The following PCDHGA1 variants were observed in gnomAD, a reference collection of about 807,000 sequenced individuals.
PCDHGA1 encodes protocadherin gamma-A1.
A neutral mutation model predicts 58.0 loss-of-function variants in PCDHGA1; 32 were observed. The observed-to-expected ratio is 0.55, with a 90% CI of 0.42 to 0.74. PCDHGA1 has a LOEUF of 0.74. PCDHGA1 is among the 30% of genes least tolerant of loss of function. PCDHGA1 has a pLI of 0.00. For missense variants in PCDHGA1, 1,205 were observed against 1,182.3 expected (o/e 1.02, Z -0.28); for synonymous variants, 498 against 501.1 (o/e 0.99, Z 0.08).
intron 1 of PCDHGA1, among the ~76,000 whole-genome samples, chr5:141,443,905 A>G (rs963772369): frequency 6.6e-6 from 1 of 152,204 alleles, no homozygotes; most frequent in Admixed American, 6.5e-5. Context: ...TAGTAGGAAA[A>G]TTCATAAAAG....
At chr5:141,443,498 C>G (rs1217918256) in intron 1 of PCDHGA1, among the ~76,000 whole-genome samples, 3 of 152,036 alleles carry the variant, frequency 2.0e-5, no homozygotes, top group Non-Finnish European at 4.4e-5. Context: ...AACAAACAAA[C>G]AAATAAAGAG....
intron 1 of PCDHGA1, among the ~76,000 whole-genome samples, chr5:141,469,088 G>A (rs1388316490): frequency 6.6e-6 from 1 of 151,604 alleles, no homozygotes; most frequent in Non-Finnish European, 1.5e-5. Context: ...ACCATTCTAG[G>A]CAACAAAGCA....
intron 1 of PCDHGA1, among the ~76,000 whole-genome samples, chr5:141,402,580 TA>T (rs2094282125): frequency 6.6e-6 from 1 of 152,226 alleles, no homozygotes; most frequent in Admixed American, 6.5e-5. Context: ...CTCAGATATC[TA>T]AAAAATAGAT....
intron 1 of PCDHGA1, chr5:141,344,297 G>A: frequency 6.2e-7 from 1 of 1,614,124 alleles, no homozygotes. Context: ...TCACCGCGGA[G>A]AGGATAGACC....
In PCDHGA1 at chr5:141,405,069, C is replaced by T. The variant is rs200974828; in HGVS notation, c.2421+71964C>T. On this transcript the variant is annotated intron_variant, in intron 1 of 3. Coordinates refer to ENST00000517417, the MANE Select transcript of PCDHGA1 (RefSeq NM_018912.3). ...GCAGTCGTCTCCTGTGTCTTCCTCA[C>T]CTTCGTTATCACGCTGCTGGCCCTC... is the stretch of plus-strand genomic sequence containing the variant. 1.3e-4 allele frequency: 215 copies of T among 1,613,758 alleles called. No individual in the cohort carries two copies. The highest frequency in any genetic ancestry group is 1.7e-4 in the Non-Finnish European group (203 of 1,179,762).
At chr5:141,416,004 A>G (rs1225801773) in intron 1 of PCDHGA1, 2 of 254,264 alleles carry the variant, frequency 7.9e-6, no homozygotes, top group Non-Finnish European at 1.4e-5. Flanking sequence ...CAGGTCTGGT[A>G]AGAATAGGTA....
chr5:141,390,723 A>G (rs2092214355), intron 1 of PCDHGA1: 1 of 196,804 alleles, frequency 5.1e-6, no homozygotes, highest in Non-Finnish European at 1.0e-5. Context: ...TAACTAATTT[A>G]ACTGGTATGG....
chr5:141,422,136 AGTACGGGG>A (rs772818860), intron 1 of PCDHGA1: 9 of 1,588,992 alleles, frequency 5.7e-6, no homozygotes, highest in Non-Finnish European at 7.7e-6. Flanking sequence ...GAGAAGTTCA[AGTACGGGG>A]GTCTCTGGAT....
chr5:141,394,808 T>G lies in PCDHGA1; in HGVS notation c.2421+61703T>G, dbSNP rs534137630. The G allele has an allele frequency of 9.9e-6, 16 of 1,613,872 alleles. No individual in the cohort carries two copies. The East Asian group carries it at 3.6e-4, about 36-fold the overall frequency. On this transcript the variant is annotated intron_variant, in intron 1 of 3. Coordinates refer to ENST00000517417, the MANE Select transcript of PCDHGA1 (RefSeq NM_018912.3). ...CTGTCACGCTCACCGTAGCCGTGGC[T>G]GACAGCATCCCCGAAGTCCTGACCG...
At chr5:141,384,265 T>G in intron 1 of PCDHGA1, 1 of 1,613,814 alleles carries the variant, frequency 6.2e-7, no homozygotes, top group Non-Finnish European at 8.5e-7. Context: ...CCCCCACTCA[T>G]CCTACTCAGT....
intron 1 of PCDHGA1, among the ~76,000 whole-genome samples, chr5:141,482,530 CAA>C (rs3074545): frequency 2.5e-4 from 19 of 76,528 alleles, no homozygotes; most frequent in East Asian, 4.2e-4. Context: ...GACAGACATG[CAA>C]AAAAAAAAAA....
intron 1 of PCDHGA1, among the ~76,000 whole-genome samples, chr5:141,368,964 A>G (rs531722915): frequency 3.9e-5 from 6 of 152,320 alleles, no homozygotes; most frequent in African/African-American, 1.4e-4. Flanking sequence ...TTAAGATGCT[A>G]TAATGCTTTT....
chr5:141,404,475 A>G, intron 1 of PCDHGA1: 1 of 1,613,732 alleles, frequency 6.2e-7, no homozygotes, highest in Non-Finnish European at 8.5e-7. Flanking sequence ...GTCTCTATTA[A>G]CTCAGACACT....
intron 1 of PCDHGA1, chr5:141,404,006 C>A: frequency 6.2e-7 from 1 of 1,613,804 alleles, no homozygotes; most frequent in Non-Finnish European, 8.5e-7. Context: ...CATTACATCT[C>A]TGTTTAGCCC....
Position 141,490,520 on chromosome 5 carries a change from G to A in PCDHGA1, c.2422-4287G>A. 1 of 1,614,072 alleles carries A rather than the reference G, an allele frequency of 6.2e-7. No individual in the cohort carries two copies. Among genetic ancestry groups the A allele is most frequent in the Non-Finnish European group, 8.5e-7 (1 of 1,180,014 alleles). ...CACTATATCATCGAGCTGCTGGCCAGCGATGCTGGTTCACCTTCCCTACAC... is the reference window on the plus strand; with the variant it reads ...CACTATATCATCGAGCTGCTGGCCAACGATGCTGGTTCACCTTCCCTACAC... On this transcript the variant is annotated intron_variant, in intron 1 of 3. Coordinates refer to ENST00000517417, the MANE Select transcript of PCDHGA1 (RefSeq NM_018912.3). The surrounding 1 kb of genome is among the most constrained non-coding windows in gnomAD (Gnocchi z 5.4).
chr5:141,483,887 C>G (rs147069309), intron 1 of PCDHGA1, among the ~76,000 whole-genome samples: 13 of 152,036 alleles, frequency 8.6e-5, no homozygotes, highest in Non-Finnish European at 1.2e-4. Context: ...TTTTCTATTT[C>G]TCTGAGCTCT....
chr5:141,469,372 C>T (rs780872014), intron 1 of PCDHGA1, among the ~76,000 whole-genome samples: 2 of 151,990 alleles, frequency 1.3e-5, no homozygotes, highest in African/African-American at 2.4e-5. Context: ...GTAAAGAGAT[C>T]GAGACCATCC....
intron 1 of PCDHGA1, chr5:141,412,884 G>A: frequency 3.2e-6 from 1 of 311,540 alleles, no homozygotes. Flanking sequence ...TAATCCAACA[G>A]AATAGTTTAC....
chr5:141,332,023 GACA>G lies in PCDHGA1; in HGVS notation c.1342_1344del (p.Asn448del). The G allele has an allele frequency of 6.2e-7, 1 of 1,614,076 alleles. No homozygotes were observed. Among genetic ancestry groups the G allele is most frequent in the Non-Finnish European group, 8.5e-7 (1 of 1,180,014 alleles). ...TTCACTACTAGTGACAGATATCAAT[GACA>G]ACTCCCCAGTCTTCCATCAGGACTC... On this transcript the variant is annotated inframe_deletion, in exon 1 of 4. Transcript: ENST00000517417. This position sits in a 1 kb window ranked among gnomAD's most constrained non-coding sequence, Gnocchi z 4.6.
Sources: allele counts gnomAD v4.1 joint callset (sites outside exome capture counted in the v4.1 genomes callset), GRCh38; gene constraint gnomAD v4.1.1; non-coding constraint Gnocchi (gnomAD v3.1); transcripts MANE v1.5; gene names NCBI Gene and HGNC (gene_info 2026-07-23, HGNC 2026-07-21).